GRM7: variants seen among roughly 807,000 people sequenced by gnomAD.
The protein encoded by GRM7 is metabotropic glutamate receptor 7.
Under a neutral mutation model 84.5 loss-of-function variants are expected in GRM7, and 35 were observed. The observed-to-expected ratio is 0.41, with a 90% CI of 0.32 to 0.55. GRM7 has a LOEUF of 0.55. Ranked by LOEUF, GRM7 falls within the 20% of genes least tolerant of loss-of-function variation. GRM7 has a pLI of 0.19. For synonymous variants in GRM7, 487 were observed against 455.1 expected (o/e 1.07, Z -0.89); for missense variants, 1,003 against 1,194.6 (o/e 0.84, Z 2.36).
chr3:7,442,891 T>A (rs11921261), intron 5 of GRM7, among the ~76,000 whole-genome samples: 1,976 of 152,274 alleles, frequency 0.013, 49 homozygotes, highest in African/African-American at 0.04. Context: ...TCATCTTTAG[T>A]AGAGTGTCTC....
chr3:7,264,157 A>G (rs1195631249), intron 2 of GRM7, among the ~76,000 whole-genome samples: 1 of 152,110 alleles, frequency 6.6e-6, no homozygotes, highest in Non-Finnish European at 1.5e-5. Context: ...GGGATCCTGG[A>G]AAAGGCCAAC....
Position 6,861,164 on chromosome 3 carries a change from C to T in GRM7, c.-225C>T, listed in dbSNP as rs1298355448. The stretch of plus-strand genomic sequence containing the variant: ...AGCAGCAAGCCGGTGAGCGCGAGCG[C>T]GGCGCGCCGGCCGGCTAACCCGAGA... On this transcript the variant is annotated 5_prime_UTR_variant, in exon 1 of 10. Transcript: ENST00000357716. This position sits in a 1 kb window ranked among gnomAD's most constrained non-coding sequence, Gnocchi z 6.4. 2.3e-5 allele frequency: 10 copies of T among 437,280 alleles called. No homozygotes were observed. The Admixed American group carries it at 3.9e-4, about 17-fold the overall frequency. The allele number at this position is 437,280 out of a possible 1,614,324, so 27.1% of individuals were successfully genotyped here. A position where few individuals can be genotyped will look rare whatever the true frequency, so the allele number is the denominator to read the frequency against.
chr3:7,056,663 C>T (rs2124963137), intron 1 of GRM7, among the ~76,000 whole-genome samples: 1 of 152,062 alleles, frequency 6.6e-6, no homozygotes, highest in African/African-American at 2.4e-5. Flanking sequence ...GATCTATTTA[C>T]CATCCTGATC....
intron 1 of GRM7, among the ~76,000 whole-genome samples, chr3:7,068,641 A>G (rs1460841693): frequency 6.6e-6 from 1 of 152,000 alleles, no homozygotes; most frequent in African/African-American, 2.4e-5. Flanking sequence ...TTTTGCTAGT[A>G]AGTTGCAGAG....
chr3:7,551,743 A>G (rs994581106), intron 7 of GRM7, among the ~76,000 whole-genome samples: 4 of 152,100 alleles, frequency 2.6e-5, no homozygotes, highest in Middle Eastern at 3.2e-3. Flanking sequence ...TGGGAAGTCA[A>G]TAAAAGTATA....
At chr3:7,569,372 C>G (rs1011662277) in intron 7 of GRM7, among the ~76,000 whole-genome samples, 4 of 152,070 alleles carry the variant, frequency 2.6e-5, no homozygotes, top group African/African-American at 9.7e-5. Context: ...ACCTTTGTGT[C>G]CACACTCTGT....
At chr3:7,440,826 C>T (rs538447003) in intron 5 of GRM7, among the ~76,000 whole-genome samples, 1 of 152,196 alleles carries the variant, frequency 6.6e-6, no homozygotes, top group African/African-American at 2.4e-5. Flanking sequence ...GATATTATCT[C>T]ATTCTTTTTT....
At chr3:6,950,477 C>T (rs187382031) in intron 1 of GRM7, among the ~76,000 whole-genome samples, 21 of 152,312 alleles carry the variant, frequency 1.4e-4, no homozygotes, top group African/African-American at 4.6e-4. Context: ...CTGGGGGGTG[C>T]CTCCCAGTTA....
chr3:7,316,098 A>G (rs1431464357), intron 4 of GRM7, among the ~76,000 whole-genome samples: 1 of 151,260 alleles, frequency 6.6e-6, no homozygotes, highest in Non-Finnish European at 1.5e-5. Context: ...GGGCATAGAA[A>G]ACACTGCCAG....
chr3:7,313,580 C>G (rs1431000015), intron 4 of GRM7, among the ~76,000 whole-genome samples: 1 of 152,028 alleles, frequency 6.6e-6, no homozygotes, highest in Non-Finnish European at 1.5e-5. Flanking sequence ...TACAAAATAT[C>G]TGTTGAATAA....
intron 7 of GRM7, among the ~76,000 whole-genome samples, chr3:7,503,767 C>G (rs932046067): frequency 6.6e-6 from 1 of 152,134 alleles, no homozygotes; most frequent in Non-Finnish European, 1.5e-5. Context: ...AGGGACTTAA[C>G]CAATAACTCC....
intron 1 of GRM7, among the ~76,000 whole-genome samples, chr3:6,881,030 C>T (rs767039812): frequency 2.0e-5 from 3 of 152,082 alleles, no homozygotes; most frequent in South Asian, 2.1e-4. Flanking sequence ...AAGAGCCTAC[C>T]GTTTCAATTA....
chr3:6,875,768 G>A (rs1218137054), intron 1 of GRM7, among the ~76,000 whole-genome samples: 1 of 152,084 alleles, frequency 6.6e-6, no homozygotes, highest in Non-Finnish European at 1.5e-5. Context: ...AGGGTGGGGA[G>A]GTGCATCTTA....
intron 1 of GRM7, among the ~76,000 whole-genome samples, chr3:6,904,346 G>A (rs1446135635): frequency 6.6e-6 from 1 of 152,114 alleles, no homozygotes; most frequent in East Asian, 1.9e-4. Context: ...AGGAAAAACT[G>A]TATGGGTTTA....
At chr3:6,877,240 A>G (rs1695341800) in intron 1 of GRM7, among the ~76,000 whole-genome samples, 1 of 152,140 alleles carries the variant, frequency 6.6e-6, no homozygotes, top group Non-Finnish European at 1.5e-5. Flanking sequence ...TGCCTGCTAT[A>G]CGGAGGGGTT....
intron 5 of GRM7, among the ~76,000 whole-genome samples, chr3:7,448,002 T>C (rs1182355187): frequency 1.3e-5 from 2 of 149,718 alleles, no homozygotes; most frequent in Non-Finnish European, 3.0e-5. Flanking sequence ...ATGCGGTGTT[T>C]GGTTTTTTGT....
At chr3:7,648,246 T>C (rs893936498) in intron 8 of GRM7, among the ~76,000 whole-genome samples, 14 of 119,552 alleles carry the variant, frequency 1.2e-4, no homozygotes, top group Non-Finnish European at 2.0e-4. Context: ...GTGCTATAAA[T>C]AGTTTTTTTT....
chr3:7,403,826 T>C (rs531252188), intron 4 of GRM7, among the ~76,000 whole-genome samples: 1 of 151,234 alleles, frequency 6.6e-6, no homozygotes, highest in Non-Finnish European at 1.5e-5. Flanking sequence ...TGTGTGTGGA[T>C]GGATGGATAG....
intron 9 of GRM7, among the ~76,000 whole-genome samples, chr3:7,711,754 G>A (rs186710645): frequency 2.6e-4 from 40 of 152,238 alleles, no homozygotes; most frequent in East Asian, 1.6e-3. Flanking sequence ...CACCATTGGC[G>A]CCTTTCAAAG....
Sources: gnomAD v4.1 joint callset for allele counts (sites outside exome capture counted in the v4.1 genomes callset) on GRCh38, gnomAD v4.1.1 for gene constraint, Gnocchi (gnomAD v3.1) non-coding constraint, MANE v1.5 for transcripts, NCBI Gene and HGNC (gene_info 2026-07-23, HGNC 2026-07-21) for gene names.